ARHGEF3: variants seen among roughly 807,000 people sequenced by gnomAD.
ARHGEF3 encodes the protein 59.8 kDA protein.
A neutral mutation model predicts 63.2 loss-of-function variants in ARHGEF3; 28 were observed. The ratio of observed to expected loss-of-function variants is 0.44; its 90% CI spans 0.33 to 0.61. The LOEUF is 0.61. ARHGEF3 is among the 20% of genes least tolerant of loss of function. The pLI is 0.03. For missense variants in ARHGEF3, 533 were observed against 659.3 expected, an observed-to-expected ratio of 0.81 and a Z score of 2.10; for synonymous variants, 266 against 254.2, an observed-to-expected ratio of 1.05 and a Z score of -0.44.
At chr3:56,729,824 C>G (rs2032995118) in intron 9 of ARHGEF3, among the ~76,000 whole-genome samples, 1 of 148,956 alleles carries the variant, frequency 6.7e-6, no homozygotes, top group African/African-American at 2.5e-5. Context: ...GTCTAGCGTT[C>G]AGCTGCCCTC....
rs1467811769 is a variant in ARHGEF3 at position 56,729,137 on chromosome 3, T to C, written c.*133A>G. On this transcript the variant is annotated 3_prime_UTR_variant, in exon 10 of 10. Coordinates refer to ENST00000296315, the MANE Select transcript of ARHGEF3 (RefSeq NM_019555.3). Reference sequence around the variant, plus strand: ...ACAGTACTAGGGACAAAGGTACAGATACGAGAGACTGGGCCAACATGTATA... The same window carrying C: ...ACAGTACTAGGGACAAAGGTACAGACACGAGAGACTGGGCCAACATGTATA... 17 of 738,434 alleles carry C rather than the reference T, an allele frequency of 2.3e-5. No individual in the cohort carries two copies. The highest frequency in any genetic ancestry group is 3.2e-5 in the Non-Finnish European group (15 of 462,094). 45.7% of individuals were successfully genotyped at this position (738,434 alleles called of 1,614,324 possible). A position where few individuals can be genotyped will look rare whatever the true frequency, so the allele number is the denominator to read the frequency against.
At chr3:56,764,402 G>A (rs1466005655) in intron 2 of ARHGEF3, among the ~76,000 whole-genome samples, 1 of 152,114 alleles carries the variant, frequency 6.6e-6, no homozygotes, top group Non-Finnish European at 1.5e-5. Context: ...AGTGAGGTGG[G>A]ATGCTCCAAC....
chr3:56,968,168 T>A (rs1454740096), intron 2 of ARHGEF3, among the ~76,000 whole-genome samples: 3 of 25,998 alleles, frequency 1.2e-4, no homozygotes, highest in Non-Finnish European at 2.3e-4. Context: ...ATATATTATA[T>A]AATATATATA....
At chr3:56,878,016 T>A (rs1011055708) in intron 4 of ARHGEF3, among the ~76,000 whole-genome samples, 2 of 152,248 alleles carry the variant, frequency 1.3e-5, no homozygotes, top group Non-Finnish European at 2.9e-5. Context: ...CAAACTATTG[T>A]TCACATTTTC....
chr3:57,002,479 T>TTATATATATATGTTA, intron 2 of ARHGEF3, among the ~76,000 whole-genome samples: 1 of 39,466 alleles, frequency 2.5e-5, no homozygotes, highest in East Asian at 7.8e-4. Flanking sequence ...TATATATATG[T>TTATATATATATGTTA]TATATATATA....
At chr3:56,921,266 C>T (rs1449628267) in intron 3 of ARHGEF3, among the ~76,000 whole-genome samples, 3 of 151,606 alleles carry the variant, frequency 2.0e-5, no homozygotes, top group Non-Finnish European at 4.4e-5. Context: ...GGATGGTAGC[C>T]GTGACCAAAT....
intron 4 of ARHGEF3, among the ~76,000 whole-genome samples, chr3:56,842,158 C>T (rs1305344631): frequency 6.6e-6 from 1 of 152,160 alleles, no homozygotes; most frequent in Non-Finnish European, 1.5e-5. Context: ...CCCCAACGCC[C>T]AGGCTAATCA....
chr3:56,908,947 C>T (rs574085410), intron 3 of ARHGEF3, among the ~76,000 whole-genome samples: 1 of 152,262 alleles, frequency 6.6e-6, no homozygotes, highest in Non-Finnish European at 1.5e-5. Context: ...TTCCCTGACG[C>T]TATGCACATG....
At chr3:56,978,725 G>C (rs918898670) in intron 2 of ARHGEF3, among the ~76,000 whole-genome samples, 6 of 152,148 alleles carry the variant, frequency 3.9e-5, no homozygotes, top group Admixed American at 3.3e-4. Context: ...TGACCCAAAA[G>C]TTCATCCTAA....
chr3:56,970,452 T>C (rs1277155711), intron 2 of ARHGEF3, among the ~76,000 whole-genome samples: 3 of 152,192 alleles, frequency 2.0e-5, no homozygotes, highest in Admixed American at 6.5e-5. Flanking sequence ...GGTGGAGTTT[T>C]ATCAGTACTT....
intron 4 of ARHGEF3, among the ~76,000 whole-genome samples, chr3:56,828,831 A>G (rs573734376): frequency 2.6e-5 from 4 of 152,322 alleles, no homozygotes; most frequent in African/African-American, 9.6e-5. Context: ...TTTTTGTTAC[A>G]TAGAAAAGTT....
intron 1 of ARHGEF3, among the ~76,000 whole-genome samples, chr3:56,780,603 C>A (rs746754843): frequency 6.6e-6 from 1 of 152,126 alleles, no homozygotes; most frequent in Non-Finnish European, 1.5e-5. Context: ...ATATTTCTGT[C>A]CCATCTGTGA....
rs887177738 is a variant in ARHGEF3 at position 57,074,954 on chromosome 3, CAGG to C, written c.-28+4269_-28+4271del. The C allele has an allele frequency of 6.8e-4, 114 of 167,478 alleles. 1 individual carries two copies. The highest frequency in any genetic ancestry group is 2.3e-3 in the African/African-American group (97 of 41,572). The allele number at this position is 167,478 out of a possible 1,614,324, so 10.4% of individuals were successfully genotyped here. On this transcript the variant is annotated intron_variant, in intron 1 of 12. Transcript: ENST00000338458. Reference sequence around the variant, plus strand: ...CAGCCACCTGCCAGGACCTGGAGGGCAGGAGGAGAGTTCTGCCTACATTGTCTC... The same window carrying C: ...CAGCCACCTGCCAGGACCTGGAGGGCAGGAGAGTTCTGCCTACATTGTCTC...
chr3:56,879,444 C>CTG (rs1317811539), intron 4 of ARHGEF3, among the ~76,000 whole-genome samples: 1 of 152,206 alleles, frequency 6.6e-6, no homozygotes, highest in African/African-American at 2.4e-5. Context: ...CAAGAATCTA[C>CTG]TGTGTATCTA....
chr3:57,058,540 T>C (rs1424487539), intron 1 of ARHGEF3, among the ~76,000 whole-genome samples: 1 of 152,208 alleles, frequency 6.6e-6, no homozygotes. Flanking sequence ...TTTACACTGT[T>C]GGTGGGACTG....
At chr3:57,029,316 G>T (rs1560146599) in intron 2 of ARHGEF3, among the ~76,000 whole-genome samples, 1 of 152,076 alleles carries the variant, frequency 6.6e-6, no homozygotes, top group Non-Finnish European at 1.5e-5. Flanking sequence ...TGTAATCACA[G>T]CTACTCAGTA....
At chr3:56,953,885 C>T (rs79802322) in intron 3 of ARHGEF3, among the ~76,000 whole-genome samples, 2 of 152,312 alleles carry the variant, frequency 1.3e-5, no homozygotes, top group African/African-American at 4.8e-5. Context: ...CTGAAGCTTA[C>T]CCACCTCAGT....
At chr3:56,843,028 T>C (rs2039368902) in intron 4 of ARHGEF3, among the ~76,000 whole-genome samples, 1 of 152,192 alleles carries the variant, frequency 6.6e-6, no homozygotes, top group Non-Finnish European at 1.5e-5. Context: ...TATTTCTCCT[T>C]GTAAAAACTT....
At chr3:57,039,247 C>T (rs896592679) in intron 1 of ARHGEF3, among the ~76,000 whole-genome samples, 5 of 152,204 alleles carry the variant, frequency 3.3e-5, no homozygotes, top group South Asian at 2.1e-4. Context: ...AGCACAACTG[C>T]GTCCATTGGA....
Sources: gnomAD v4.1 joint callset for allele counts (sites outside exome capture counted in the v4.1 genomes callset) on GRCh38, gnomAD v4.1.1 for gene constraint, MANE v1.5 for transcripts, NCBI Gene and HGNC (gene_info 2026-07-23, HGNC 2026-07-21) for gene names.